The following HSPA12A variants were observed in gnomAD, a reference collection of about 807,000 sequenced individuals.
HSPA12A encodes the protein heat shock protein family A (Hsp70) member 12A.
HSPA12A carries 28 observed loss-of-function variants against 69.2 expected under a neutral mutation model. The observed-to-expected ratio is 0.40, with a 90% CI of 0.30 to 0.55. The LOEUF (loss-of-function observed/expected upper bound fraction) is 0.55. HSPA12A is among the 20% of genes least tolerant of loss of function. The pLI, the probability that HSPA12A is intolerant of heterozygous loss-of-function variation, is 0.38. For synonymous variants in HSPA12A, 345 were observed against 370.5 expected, an observed-to-expected ratio of 0.93 and a Z score of 0.79; for missense variants, 686 against 900.7, an observed-to-expected ratio of 0.76 and a Z score of 3.05.
intron 1 of HSPA12A, among the ~76,000 whole-genome samples, chr10:116,740,309 C>G (rs192728872): frequency 1.5e-3 from 235 of 152,334 alleles, no homozygotes; most frequent in African/African-American, 5.5e-3. Flanking sequence ...AATGCACGCT[C>G]TTTTCCCAGC....
chr10:116,722,221 C>T (rs782732086), intron 1 of HSPA12A, among the ~76,000 whole-genome samples: 1 of 152,198 alleles, frequency 6.6e-6, no homozygotes, highest in African/African-American at 2.4e-5. Flanking sequence ...ATGCTCCAGA[C>T]GGGTCAGGCG....
At position 116,675,387 on chromosome 10, in the gene HSPA12A, G is replaced by A. The variant is rs1180457425; in HGVS notation, c.1422C>T (p.Thr474=). ...RDLFQKPEVS[T]VKFLFLVGGF... ...CGCCCACCAGAAAGAGGAACTTGAC[G>A]GTGGACACCTCGGGCTTCTGAAACA... is the stretch of plus-strand genomic sequence containing the variant. Residue 474 remains threonine (T), a synonymous_variant, in exon 12 of 12, where the codon ACC becomes ACT. Transcript: ENST00000369209. The surrounding 1 kb of genome is among the most constrained non-coding windows in gnomAD (Gnocchi z 5.2). The A allele has an allele frequency of 2.5e-6, 4 of 1,606,332 alleles. No homozygotes were observed. The highest frequency in any genetic ancestry group is 3.4e-6 in the Non-Finnish European group (4 of 1,176,804).
At chr10:116,825,406 G>A (rs1015763935) in intron 2 of HSPA12A, among the ~76,000 whole-genome samples, 2 of 152,010 alleles carry the variant, frequency 1.3e-5, no homozygotes, top group African/African-American at 4.8e-5. Flanking sequence ...AGCTACTTGG[G>A]AGGCTGAGGC....
chr10:116,838,586 C>T (rs886638665), intron 1 of HSPA12A, among the ~76,000 whole-genome samples: 3 of 152,164 alleles, frequency 2.0e-5, no homozygotes, highest in Non-Finnish European at 4.4e-5. Context: ...GCCTAGAATT[C>T]CAAAGTTCAG....
At chr10:116,754,960 A>C in intron 2 of HSPA12A, among the ~76,000 whole-genome samples, 1 of 148,680 alleles carries the variant, frequency 6.7e-6, no homozygotes, top group South Asian at 2.1e-4. Context: ...TTATCCATGT[A>C]TTTTTTTTTT....
intron 1 of HSPA12A, among the ~76,000 whole-genome samples, chr10:116,714,140 T>C (rs1342707836): frequency 1.3e-5 from 2 of 151,858 alleles, no homozygotes; most frequent in African/African-American, 4.8e-5. Flanking sequence ...GATGGATAGA[T>C]GAGTGGATGG....
chr10:116,709,532 A>C (rs925841037), intron 1 of HSPA12A, among the ~76,000 whole-genome samples: 1 of 152,340 alleles, frequency 6.6e-6, no homozygotes, highest in Admixed American at 6.5e-5. Flanking sequence ...AAAAGGAAGA[A>C]CATTCTTATA....
At chr10:116,806,227 G>A (rs1845064473) in intron 2 of HSPA12A, among the ~76,000 whole-genome samples, 1 of 152,124 alleles carries the variant, frequency 6.6e-6, no homozygotes, top group African/African-American at 2.4e-5. Context: ...TTTTGAGACT[G>A]GGTTTCACTC....
intron 3 of HSPA12A, among the ~76,000 whole-genome samples, chr10:116,702,065 C>A (rs1419862770): frequency 6.6e-6 from 1 of 151,946 alleles, no homozygotes; most frequent in Non-Finnish European, 1.5e-5. Context: ...GCTATGATCG[C>A]ATCACTGCAC....
intron 1 of HSPA12A, among the ~76,000 whole-genome samples, 164 bp from the exon 2 acceptor site, chr10:116,707,449 G>A (rs182150779): frequency 7.2e-4 from 109 of 152,338 alleles, no homozygotes; most frequent in African/African-American, 2.4e-3. Context: ...AGGAACATCC[G>A]TTCCAGCACC....
chr10:116,835,483 C>T (rs903899953), intron 1 of HSPA12A, among the ~76,000 whole-genome samples: 3 of 152,092 alleles, frequency 2.0e-5, no homozygotes, highest in African/African-American at 7.2e-5. Context: ...GTACCACCAG[C>T]CCATCCCAGG....
chr10:116,810,097 C>T (rs1488071770), intron 2 of HSPA12A, among the ~76,000 whole-genome samples: 1 of 152,192 alleles, frequency 6.6e-6, no homozygotes. Flanking sequence ...GTGAAGGCAG[C>T]GCTCCAAGCC....
rs184017101 is a variant in HSPA12A at position 116,774,340 on chromosome 10, A to G, written c.91+60595T>C. On this transcript the variant is annotated intron_variant, in intron 2 of 12. Transcript: ENST00000635765. ...GGCTTTTTTGAAATATTTGCCATAG[A>G]GCACTCTGCGAGGGTCCCAGGTGAT... Among the ~76,000 whole-genome samples the G allele has an allele frequency of 1.2e-4, 18 of 152,282 alleles. No individual in the cohort carries two copies. The East Asian group carries it at 3.5e-3, about 29-fold the overall frequency.
chr10:116,736,406 G>T (rs980803014), intron 1 of HSPA12A, among the ~76,000 whole-genome samples: 5 of 152,114 alleles, frequency 3.3e-5, no homozygotes, highest in Non-Finnish European at 5.9e-5. Flanking sequence ...CCAAACCTAG[G>T]CAAGACTCCA....
chr10:116,696,330 G>A (rs1554880884), intron 5 of HSPA12A, among the ~76,000 whole-genome samples: 2 of 152,168 alleles, frequency 1.3e-5, no homozygotes, highest in East Asian at 1.9e-4. Flanking sequence ...CACGTGTCAA[G>A]GGTGGGGCCA....
Position 116,792,613 on chromosome 10 carries a change from CAAAAAAAAAAAAA to C in HSPA12A, c.91+42309_91+42321del, listed in dbSNP as rs56344323. 1.6e-4 allele frequency among the ~76,000 whole-genome samples: 17 copies of C among 107,984 alleles called. No homozygotes were observed. In the East Asian group the frequency reaches 4.7e-3, roughly 30 times the overall value. 70.8% of individuals were successfully genotyped at this position (107,984 alleles called of 152,430 possible). Reference sequence around the variant, plus strand: ...GCAACTTTGCAAAACCTTGCATCTACAAAAAAAAAAAAAAAAAAAAAAAATTAGCCAGGCATGG... The same window carrying C: ...GCAACTTTGCAAAACCTTGCATCTACAAAAAAAAAAATTAGCCAGGCATGG... On this transcript the variant is annotated intron_variant, in intron 2 of 12. Coordinates refer to the HSPA12A transcript ENST00000635765.
At chr10:116,814,929 C>T (rs781697414) in intron 2 of HSPA12A, among the ~76,000 whole-genome samples, 23 of 152,164 alleles carry the variant, frequency 1.5e-4, no homozygotes, top group Non-Finnish European at 2.8e-4. Flanking sequence ...GACTTAGTTT[C>T]CTAAAACCCA....
chr10:116,693,939 T>TCA (rs1433156756), intron 5 of HSPA12A, among the ~76,000 whole-genome samples: 1 of 152,226 alleles, frequency 6.6e-6, no homozygotes, highest in Non-Finnish European at 1.5e-5. Context: ...TTTTTTATCA[T>TCA]CATATTTTGT....
intron 2 of HSPA12A, among the ~76,000 whole-genome samples, chr10:116,782,756 G>A (rs1287980072): frequency 6.6e-6 from 1 of 152,198 alleles, no homozygotes; most frequent in African/African-American, 2.4e-5. Flanking sequence ...GGTCAGGGAA[G>A]AGGACAGGAT....
Sources: allele counts gnomAD v4.1 joint callset (sites outside exome capture counted in the v4.1 genomes callset), GRCh38; gene constraint gnomAD v4.1.1; non-coding constraint Gnocchi (gnomAD v3.1); transcripts MANE v1.5; gene names NCBI Gene and HGNC (gene_info 2026-07-23, HGNC 2026-07-21).